WDR59: variants seen among roughly 807,000 people sequenced by gnomAD.
WDR59 encodes the protein WD repeat domain 59, also known as GATOR2 complex protein WDR59.
In WDR59, 100 loss-of-function variants were observed where a neutral mutation model predicts 131.2. The ratio of observed to expected loss-of-function variants is 0.76; its 90% CI spans 0.65 to 0.90. The LOEUF (loss-of-function observed/expected upper bound fraction) is 0.90. Ranked by LOEUF, WDR59 falls within the 40% of genes least tolerant of loss-of-function variation. WDR59 has a pLI of 0.00. For synonymous variants in WDR59, 601 were observed against 466.2 expected, an observed-to-expected ratio of 1.29 and a Z score of -3.72; for missense variants, 1,203 against 1,262.2, an observed-to-expected ratio of 0.95 and a Z score of 0.71.
intron 1 of WDR59, among the ~76,000 whole-genome samples, chr16:74,971,203 T>C (rs372598951): frequency 2.6e-5 from 4 of 152,140 alleles, no homozygotes; most frequent in African/African-American, 7.2e-5. Flanking sequence ...CCCACGAGTT[T>C]ATCTAAACTT....
chr16:74,965,079 AT>A (rs889442859), intron 2 of WDR59, among the ~76,000 whole-genome samples: 3 of 151,010 alleles, frequency 2.0e-5, no homozygotes, highest in African/African-American at 4.9e-5. Context: ...AAAAAAAAAA[AT>A]TTTTTTTTGA....
chr16:74,936,037 G>A (rs1332425232), intron 8 of WDR59, among the ~76,000 whole-genome samples: 1 of 151,930 alleles, frequency 6.6e-6, no homozygotes, highest in Non-Finnish European at 1.5e-5. Context: ...GGATATAGTG[G>A]AATAAATCAA....
chr16:74,943,243 T>C (rs1355090271), intron 6 of WDR59, among the ~76,000 whole-genome samples: 7 of 125,726 alleles, frequency 5.6e-5, no homozygotes, highest in East Asian at 8.7e-4. Flanking sequence ...CTGCCCCCTT[T>C]TTTTTTTTTT....
In WDR59 at chr16:74,874,367, G is replaced by A; in HGVS notation, c.2767C>T (p.Gln923Ter). 1 of 1,614,138 alleles carries A rather than the reference G, an allele frequency of 6.2e-7. No homozygotes were observed. Among genetic ancestry groups the A allele is most frequent in the Non-Finnish European group, 8.5e-7 (1 of 1,180,020 alleles). ...ACAGCCACGTGACAGATGGCACACT[G>A]GAACGTGAAGCCTTTGCAGATGGCA... ...QCAICKGFTF[Q>*]CAICHVAVRG... Residue 923 changes from glutamine to a stop codon, truncating the protein, a stop_gained, in exon 26 of 26, where the codon CAG becomes TAG. Coordinates refer to ENST00000262144, the MANE Select transcript of WDR59 (RefSeq NM_030581.4). LOFTEE classifies it high-confidence loss of function.
In WDR59 at chr16:74,956,502, G is replaced by C; in HGVS notation, c.213C>G (p.Asp71Glu). The C allele has an allele frequency of 6.2e-7, 1 of 1,614,098 alleles. No homozygotes were observed. The highest frequency in any genetic ancestry group is 8.5e-7 in the Non-Finnish European group (1 of 1,180,020). The change falls in exon 3 of 26, where the codon GAC becomes GAG. Residue 71 changes from aspartate to glutamate, a missense_variant. By Grantham distance (45) the Asp-to-Glu change is conservative. Transcript: ENST00000262144. Reference sequence around the variant, plus strand: ...AAGCCGCAAAATAGTGTGCAAAGCTGTCATGAGGATTCCACTGCACAGCTC... The same window carrying C: ...AAGCCGCAAAATAGTGTGCAAAGCTCTCATGAGGATTCCACTGCACAGCTC... ...DIGAVQWNPH[D>E]SFAHYFAASS...
intron 20 of WDR59, among the ~76,000 whole-genome samples, chr16:74,890,711 G>C (rs941944748): frequency 4.3e-4 from 65 of 152,116 alleles, no homozygotes; most frequent in African/African-American, 1.3e-3. Context: ...AAATCCCATG[G>C]GGCCTGGAGC....
chr16:74,872,608 T>C lies in WDR59; in HGVS notation c.*1601A>G, dbSNP rs2144731488. On this transcript the variant is annotated 3_prime_UTR_variant, in exon 26 of 26. Transcript: ENST00000262144. Reference sequence around the variant, plus strand: ...AATTTAACTTTAAAAAAGAAAATCATTCTGAAGAATTGGTGGACACAGATG... The same window carrying C: ...AATTTAACTTTAAAAAAGAAAATCACTCTGAAGAATTGGTGGACACAGATG... 6.6e-6 allele frequency: 1 copy of C among 151,820 alleles called. No homozygotes were observed. Among genetic ancestry groups the C allele is most frequent in the South Asian group, 2.1e-4 (1 of 4,766 alleles). 9.4% of individuals were successfully genotyped at this position (151,820 alleles called of 1,614,324 possible). A position where few individuals can be genotyped will look rare whatever the true frequency, so the allele number is the denominator to read the frequency against.
rs1964104367 is a variant in WDR59 at position 74,874,413 on chromosome 16, A to G, written c.2721T>C (p.Ser907=). Residue 907 remains serine, a synonymous_variant, in exon 26 of 26, where the codon AGT becomes AGC. Transcript: ENST00000262144. ...TGGCACACTGCGTGCCACGGACCTC[A>G]CTCCGGCAGTGGCTGCAGTACACGC... The part of the protein sequence containing the change: ...EFGVYCSHCR[S]EVRGTQCAIC... 1.2e-6 allele frequency: 2 copies of G among 1,613,768 alleles called. No homozygotes were observed. The highest frequency in any genetic ancestry group is 1.3e-5 in the African/African-American group (1 of 74,858).
intron 6 of WDR59, among the ~76,000 whole-genome samples, chr16:74,948,273 C>T (rs1451845487): frequency 6.6e-6 from 1 of 152,218 alleles, no homozygotes; most frequent in Non-Finnish European, 1.5e-5. Flanking sequence ...TGGCTCTTGT[C>T]CTTGGACTCT....
At chr16:74,926,610 TA>T (rs935503518) in intron 8 of WDR59, among the ~76,000 whole-genome samples, 10 of 152,304 alleles carry the variant, frequency 6.6e-5, no homozygotes, top group African/African-American at 2.4e-4. Flanking sequence ...TCAAAACTTT[TA>T]GAGACTTAAT....
At position 74,892,416 on chromosome 16, in the gene WDR59, A is replaced by G. The variant is rs931095986; in HGVS notation, c.2082+68T>C. On this transcript the variant is annotated intron_variant, in intron 20 of 25. Coordinates refer to ENST00000262144, the MANE Select transcript of WDR59 (RefSeq NM_030581.4). ...ACTTTGAAAATGTCATTAAATGCCA[A>G]TGACAAAGTAAAAACAATTTGCTCC... The G allele has an allele frequency of 2.2e-5, 28 of 1,296,072 alleles. No homozygotes were observed. The African/African-American group carries it at 2.5e-4, about 12-fold the overall frequency. The allele number at this position is 1,296,072 out of a possible 1,614,324, so 80.3% of individuals were successfully genotyped here.
intron 13 of WDR59, chr16:74,915,411 T>C (rs571940695): frequency 6.6e-6 from 1 of 151,962 alleles, no homozygotes; most frequent in African/African-American, 2.4e-5. Context: ...TACTTATTTA[T>C]TTATTTATTT....
chr16:74,960,818 GAC>G (rs113140372), intron 2 of WDR59, among the ~76,000 whole-genome samples: 9,621 of 149,420 alleles, frequency 0.064, 377 homozygotes, highest in African/African-American at 0.098. Context: ...AATGATCAAA[GAC>G]ATAATACAGA....
chr16:74,894,589 G>A (rs576546566), intron 18 of WDR59, among the ~76,000 whole-genome samples: 1 of 152,168 alleles, frequency 6.6e-6, no homozygotes, highest in African/African-American at 2.4e-5. Context: ...CCATTTTATT[G>A]CCAGAAGTTA....
At chr16:74,948,240 A>C (rs537888165) in intron 6 of WDR59, among the ~76,000 whole-genome samples, 5 of 152,334 alleles carry the variant, frequency 3.3e-5, no homozygotes, top group African/African-American at 9.6e-5. Flanking sequence ...TTCCACTATA[A>C]AAAGGTTACA....
intron 4 of WDR59, chr16:74,950,042 T>C (rs1161727206): frequency 1.9e-6 from 1 of 526,026 alleles, no homozygotes; most frequent in Non-Finnish European, 3.7e-6. Flanking sequence ...TGCTTCAACT[T>C]AAAACATTCT....
chr16:74,957,593 T>C (rs1406176462), intron 2 of WDR59, among the ~76,000 whole-genome samples: 2 of 152,136 alleles, frequency 1.3e-5, no homozygotes, highest in African/African-American at 4.8e-5. Flanking sequence ...ATAATTAAAA[T>C]AACATATGAA....
At chr16:74,889,623 T>G in intron 21 of WDR59, 80 bp downstream of exon 21, 1 of 1,104,350 alleles carries the variant, frequency 9.1e-7, no homozygotes, top group Non-Finnish European at 1.4e-6. Context: ...CACCTTTCTC[T>G]TAGGTGGTGA....
intron 18 of WDR59, chr16:74,899,807 T>C (rs1965462382): frequency 1.7e-6 from 2 of 1,201,270 alleles, no homozygotes; most frequent in East Asian, 5.7e-5. Context: ...ACCAAGAAAA[T>C]TAAAAGGGAA....
Sources: allele counts gnomAD v4.1 joint callset (sites outside exome capture counted in the v4.1 genomes callset), GRCh38; gene constraint gnomAD v4.1.1; transcripts MANE v1.5; gene names NCBI Gene and HGNC (gene_info 2026-07-23, HGNC 2026-07-21).